The following TENM2 variants were observed in gnomAD, a reference collection of about 807,000 sequenced individuals.
TENM2 encodes the protein teneurin transmembrane protein 2.
TENM2 carries 52 observed loss-of-function variants against 245.2 expected under a neutral mutation model. The ratio of observed to expected loss-of-function variants is 0.21; its 90% confidence interval spans 0.17 to 0.27. TENM2 has a LOEUF of 0.27. TENM2 is among the 10% of genes least tolerant of loss of function. The pLI is 1.00. For missense variants in TENM2, 3,046 were observed against 3,666.8 expected, an observed-to-expected ratio of 0.83 and a Z score of 4.37; for synonymous variants, 1,363 against 1,438.9, an observed-to-expected ratio of 0.95 and a Z score of 1.19.
chr5:167,323,878 C>T lies in TENM2; in HGVS notation c.226+38815C>T, dbSNP rs116406431. On this transcript the variant is annotated intron_variant, in intron 1 of 28. Coordinates refer to ENST00000518659, the Ensembl canonical transcript of TENM2. ...TTCAGAGAAATGTACGAAGTCAGAA[C>T]CTCCCCAAGGCTTACTGAATCAAGA... Among the ~76,000 whole-genome samples, 332 of 152,248 alleles carry T rather than the reference C, an allele frequency of 2.2e-3. 2 individuals carry two copies. Among genetic ancestry groups the T allele is most frequent in the African/African-American group, 7.7e-3 (320 of 41,550 alleles).
At chr5:167,985,792 A>G (rs540011316) in intron 4 of TENM2, among the ~76,000 whole-genome samples, 1 of 152,316 alleles carries the variant, frequency 6.6e-6, no homozygotes, top group Admixed American at 6.5e-5. Flanking sequence ...AATTTTATGT[A>G]TTTGTTTGTT....
chr5:167,309,109 A>G (rs1286502194), intron 1 of TENM2, among the ~76,000 whole-genome samples: 1 of 152,122 alleles, frequency 6.6e-6, no homozygotes, highest in African/African-American at 2.4e-5. Context: ...ACAAATCACA[A>G]ATCACCTTCC....
intron 2 of TENM2, among the ~76,000 whole-genome samples, chr5:167,568,272 A>G (rs1450872864): frequency 6.6e-6 from 1 of 152,162 alleles, no homozygotes; most frequent in Non-Finnish European, 1.5e-5. Context: ...GATAGCATAC[A>G]TTTAACAAAT....
At chr5:168,207,289 G>A (rs1045269881) in intron 19 of TENM2, among the ~76,000 whole-genome samples, 10 of 152,120 alleles carry the variant, frequency 6.6e-5, no homozygotes, top group African/African-American at 1.4e-4. Flanking sequence ...ACACAGACCC[G>A]TCTCCTCCCT....
chr5:168,241,716 G>A (rs1766120311), intron 25 of TENM2, among the ~76,000 whole-genome samples: 1 of 152,114 alleles, frequency 6.6e-6, no homozygotes, highest in Admixed American at 6.5e-5. Flanking sequence ...GTAGACCTCA[G>A]TTGCTCTTAT....
chr5:168,254,318 G>A (rs530252142), intron 27 of TENM2, among the ~76,000 whole-genome samples: 2 of 152,190 alleles, frequency 1.3e-5, no homozygotes, highest in Non-Finnish European at 2.9e-5. Flanking sequence ...GGGGTGTTGT[G>A]TTGTCTCAGA....
At chr5:167,547,266 A>G (rs1772623469) in intron 2 of TENM2, among the ~76,000 whole-genome samples, 1 of 152,020 alleles carries the variant, frequency 6.6e-6, no homozygotes, top group African/African-American at 2.4e-5. Flanking sequence ...TTGTATGTTT[A>G]GTACATGTTG....
chr5:167,878,571 G>A (rs565159089), intron 3 of TENM2, among the ~76,000 whole-genome samples: 73 of 53,946 alleles, frequency 1.4e-3, no homozygotes, highest in South Asian at 9.1e-3. Context: ...GTGTGCTCAC[G>A]TCTGTGTGTG....
At chr5:168,029,833 G>A (rs938685763) in intron 5 of TENM2, among the ~76,000 whole-genome samples, 2 of 152,220 alleles carry the variant, frequency 1.3e-5, no homozygotes, top group Admixed American at 6.5e-5. Context: ...GATAGAATGT[G>A]TGATGTTGTG....
chr5:167,323,699 A>C (rs1237848010), intron 1 of TENM2, among the ~76,000 whole-genome samples: 4 of 152,214 alleles, frequency 2.6e-5, no homozygotes, highest in Non-Finnish European at 5.9e-5. Context: ...TATATTTAAA[A>C]TTTCATAAAA....
rs371010133 is a variant in TENM2, at chr5:167,427,641, G to A, written c.502+52168G>A. On this transcript the variant is annotated intron_variant, in intron 2 of 28. Transcript: ENST00000518659. The stretch of plus-strand genomic sequence containing the variant: ...GGAAGGAAGAAAGGACGGAAAGGAA[G>A]GGAAGGAAGGGACGGGAGGGAAGGA... Among the ~76,000 whole-genome samples the A allele has an allele frequency of 4.6e-3, 294 of 63,408 alleles. 17 individuals carry two copies. The highest frequency in any genetic ancestry group is 0.034 in the East Asian group (103 of 3,032). 41.6% of individuals were successfully genotyped at this position (63,408 alleles called of 152,430 possible). A position where few individuals can be genotyped will look rare whatever the true frequency, so the allele number is the denominator to read the frequency against.
At chr5:167,816,964 A>G (rs1329182148) in intron 2 of TENM2, among the ~76,000 whole-genome samples, 2 of 152,220 alleles carry the variant, frequency 1.3e-5, no homozygotes, top group African/African-American at 4.8e-5. Flanking sequence ...GACTCGTATT[A>G]GAAAGTGATT....
exon 17 of TENM2, chr5:168,199,983 G>T (rs1250978325): frequency 1.2e-6 from 2 of 1,613,862 alleles, no homozygotes; most frequent in Non-Finnish European, 1.7e-6. Flanking sequence ...CAGTGCCCCT[G>T]AACCTCATTA....
At chr5:167,368,098 T>A (rs17414317) in intron 1 of TENM2, among the ~76,000 whole-genome samples, 28,468 of 151,898 alleles carry the variant, frequency 0.19, 2,926 homozygotes, top group Non-Finnish European at 0.24. Context: ...AAAAAAGGAA[T>A]CAATATTCAA....
At chr5:167,767,481 A>G (rs1763110863) in intron 2 of TENM2, among the ~76,000 whole-genome samples, 1 of 152,222 alleles carries the variant, frequency 6.6e-6, no homozygotes, top group Non-Finnish European at 1.5e-5. Context: ...GATGGTGATG[A>G]TGGCTGCCCA....
At chr5:168,103,533 A>G (rs929513462) in intron 9 of TENM2, among the ~76,000 whole-genome samples, 33 of 151,842 alleles carry the variant, frequency 2.2e-4, no homozygotes, top group African/African-American at 7.0e-4. Context: ...GAAGAGCATT[A>G]GTCAGGTATT....
intron 12 of TENM2, among the ~76,000 whole-genome samples, chr5:168,157,307 C>G (rs1270308192): frequency 2.0e-5 from 3 of 151,982 alleles, no homozygotes; most frequent in Non-Finnish European, 4.4e-5. Flanking sequence ...TGGTAAGAGT[C>G]AGTTCATATG....
chr5:167,534,210 A>G (rs1442439395), intron 2 of TENM2, among the ~76,000 whole-genome samples: 2 of 152,208 alleles, frequency 1.3e-5, no homozygotes, highest in African/African-American at 2.4e-5. Context: ...CTCAGAGGCT[A>G]AGAATACTCA....
At position 168,139,583 on chromosome 5, in the gene TENM2, G is replaced by A. The variant is rs550071058; in HGVS notation, c.2422+12617G>A. The A allele has an allele frequency of 3.7e-5, 17 of 456,324 alleles. No individual in the cohort carries two copies. The East Asian group carries it at 1.2e-3, about 32-fold the overall frequency. 28.3% of individuals were successfully genotyped at this position (456,324 alleles called of 1,614,324 possible). ...GGCCTTTCCTCTGTGAGGGGACTGG[G>A]CCTCCATTTGGTTAATGAGGGCACT... On this transcript the variant is annotated intron_variant, in intron 12 of 28. Transcript: ENST00000518659.
Sources: allele counts gnomAD v4.1 joint callset (sites outside exome capture counted in the v4.1 genomes callset), GRCh38; gene constraint gnomAD v4.1.1; transcripts MANE v1.5; gene names NCBI Gene and HGNC (gene_info 2026-07-23, HGNC 2026-07-21).